The following SH3BGRL2 variants were observed in gnomAD, a reference collection of about 807,000 sequenced individuals.
The protein encoded by SH3BGRL2 is SH3 domain-binding glutamic acid-rich-like protein 2.
Under a neutral mutation model 14.8 loss-of-function variants are expected in SH3BGRL2, and 21 were observed. The ratio of observed to expected loss-of-function variants is 1.42; its 90% CI spans 1.01 to 2.05. SH3BGRL2 has a LOEUF of 2.05. Ranked by LOEUF, SH3BGRL2 falls within the 30% of genes most tolerant of loss-of-function variation. The probability of loss-of-function intolerance (pLI) is 0.00; values close to 1 mark genes in which losing one functional copy is unlikely to be tolerated. For synonymous variants in SH3BGRL2, 50 were observed against 47.8 expected (o/e 1.05, Z -0.19); for missense variants, 147 against 130.8 (o/e 1.12, Z -0.61).
chr6:79,621,171 G>A, the SH3BGRL2 span, among the ~76,000 whole-genome samples: 11 of 152,238 alleles, frequency 7.2e-5, no homozygotes, highest in South Asian at 1.7e-3. Flanking sequence ...CCAAGCCTAG[G>A]AGTTAGGTTT....
At position 79,701,776 on chromosome 6, in the gene SH3BGRL2, G is replaced by C. The variant is rs1461893927; in HGVS notation, c.*2267G>C. 2 of 151,688 alleles carry C rather than the reference G, an allele frequency of 1.3e-5. No homozygotes were observed. The highest frequency in any genetic ancestry group is 1.3e-4 in the Admixed American group (2 of 15,234). 9.4% of individuals were successfully genotyped at this position (151,688 alleles called of 1,614,324 possible). A position where few individuals can be genotyped will look rare whatever the true frequency, so the allele number is the denominator to read the frequency against. On this transcript the variant is annotated 3_prime_UTR_variant, in exon 4 of 4. Coordinates refer to ENST00000369838, the MANE Select transcript of SH3BGRL2 (RefSeq NM_031469.4). ...ACCACACTTAGCTCAGAGAATATGGGGTCCTTACTTGTATTCTTTTATCAG... is the reference window on the plus strand; with the variant it reads ...ACCACACTTAGCTCAGAGAATATGGCGTCCTTACTTGTATTCTTTTATCAG...
At chr6:79,594,031 A>C in the SH3BGRL2 span, among the ~76,000 whole-genome samples, 1 of 151,792 alleles carries the variant, frequency 6.6e-6, no homozygotes. Context: ...GTCTCAAAAA[A>C]AAAAAAAACC....
At chr6:79,541,376 A>G in the SH3BGRL2 span, among the ~76,000 whole-genome samples, 211 of 152,316 alleles carry the variant, frequency 1.4e-3, 2 homozygotes, top group African/African-American at 4.6e-3. Context: ...ATTGGTTTGT[A>G]TAACAGAAAA....
intron 1 of SH3BGRL2, among the ~76,000 whole-genome samples, chr6:79,662,262 A>C (rs1040641891): frequency 6.6e-6 from 1 of 152,158 alleles, no homozygotes; most frequent in African/African-American, 2.4e-5. Flanking sequence ...ACAATTTGGC[A>C]TGTTTTTATA....
chr6:79,555,696 G>C, the SH3BGRL2 span, among the ~76,000 whole-genome samples: 2 of 152,056 alleles, frequency 1.3e-5, no homozygotes, highest in South Asian at 2.1e-4. Flanking sequence ...TTTTAGTAGA[G>C]ATGGGGTTTC....
upstream of SH3BGRL2, among the ~76,000 whole-genome samples, chr6:79,626,819 T>C (rs2127720229): frequency 1.3e-5 from 2 of 152,312 alleles, no homozygotes; most frequent in Middle Eastern, 6.8e-3. Flanking sequence ...CTCACCTCTC[T>C]AATCAATATC....
chr6:79,538,576 C>G, the SH3BGRL2 span, among the ~76,000 whole-genome samples: 4 of 152,212 alleles, frequency 2.6e-5, no homozygotes, highest in Admixed American at 1.3e-4. Flanking sequence ...ATTCTTTAAT[C>G]TGTCTCTGCT....
chr6:79,602,619 A>G, the SH3BGRL2 span, among the ~76,000 whole-genome samples: 1 of 152,192 alleles, frequency 6.6e-6, no homozygotes, highest in Non-Finnish European at 1.5e-5. Context: ...GCTATAAGTT[A>G]GTTTTACCTA....
rs561466575 is a variant in SH3BGRL2, at chr6:79,653,027, A to T, written c.46-20587A>T. 5.3e-5 allele frequency among the ~76,000 whole-genome samples: 8 copies of T among 152,294 alleles called. No homozygotes were observed. In the South Asian group the frequency reaches 1.7e-3, roughly 32 times the overall value. Reference sequence around the variant, plus strand: ...TATTAACAAAATCAATTAAGAAAAAAACAAGACAACTATTATAACTGAAAC... The same window carrying T: ...TATTAACAAAATCAATTAAGAAAAATACAAGACAACTATTATAACTGAAAC... On this transcript the variant is annotated intron_variant, in intron 1 of 3. Transcript: ENST00000369838.
chr6:79,668,673 C>T (rs1769711189), intron 1 of SH3BGRL2, among the ~76,000 whole-genome samples: 1 of 152,030 alleles, frequency 6.6e-6, no homozygotes, highest in African/African-American at 2.4e-5. Context: ...TACCCTGAAT[C>T]TCAATTGCCA....
the SH3BGRL2 span, among the ~76,000 whole-genome samples, chr6:79,538,018 GTTTTT>G: frequency 8.3e-3 from 367 of 44,054 alleles, 2 homozygotes; most frequent in East Asian, 0.031. Context: ...TTGCACACAA[GTTTTT>G]TTTTTTTTTT....
chr6:79,623,447 C>CAGG, the SH3BGRL2 span, among the ~76,000 whole-genome samples: 1 of 152,320 alleles, frequency 6.6e-6, no homozygotes, highest in Non-Finnish European at 1.5e-5. Flanking sequence ...GTTGAATTTA[C>CAGG]AGGACAGTGT....
At chr6:79,588,782 C>T in the SH3BGRL2 span, among the ~76,000 whole-genome samples, 1 of 152,162 alleles carries the variant, frequency 6.6e-6, no homozygotes. Context: ...TGAACCTGAG[C>T]ACTTCCCAGG....
chr6:79,590,356 A>G, the SH3BGRL2 span, among the ~76,000 whole-genome samples: 1 of 148,742 alleles, frequency 6.7e-6, no homozygotes, highest in Non-Finnish European at 1.5e-5. Flanking sequence ...TTGCAGCACT[A>G]TTCACAATAG....
the SH3BGRL2 span, among the ~76,000 whole-genome samples, chr6:79,562,306 A>G: frequency 1.3e-5 from 2 of 152,220 alleles, no homozygotes; most frequent in African/African-American, 4.8e-5. Flanking sequence ...ATTACAAGAT[A>G]GTTATGAGTA....
intron 1 of SH3BGRL2, among the ~76,000 whole-genome samples, chr6:79,665,451 G>T (rs184307977): frequency 6.6e-6 from 1 of 152,044 alleles, no homozygotes; most frequent in African/African-American, 2.4e-5. Context: ...CTCCCTGGAA[G>T]GTTCTATGAA....
the SH3BGRL2 span, among the ~76,000 whole-genome samples, chr6:79,618,096 T>G: frequency 6.6e-6 from 1 of 152,256 alleles, no homozygotes; most frequent in Non-Finnish European, 1.5e-5. Flanking sequence ...TGCAAGCATA[T>G]CTATGTAAAG....
intron 1 of SH3BGRL2, among the ~76,000 whole-genome samples, chr6:79,633,789 AC>A (rs1469274082): frequency 6.6e-6 from 1 of 152,142 alleles, no homozygotes; most frequent in African/African-American, 2.4e-5. Flanking sequence ...TAATATCCAT[AC>A]TTTTAGTGAT....
At chr6:79,683,098 A>G (rs1056201400) in intron 2 of SH3BGRL2, among the ~76,000 whole-genome samples, 8 of 152,164 alleles carry the variant, frequency 5.3e-5, no homozygotes, top group Admixed American at 3.3e-4. Context: ...ACCTAATGTA[A>G]ATGATGAGTT....
Sources: gnomAD v4.1 joint callset for allele counts (sites outside exome capture counted in the v4.1 genomes callset) on GRCh38, gnomAD v4.1.1 for gene constraint, MANE v1.5 for transcripts, NCBI Gene and HGNC (gene_info 2026-07-23, HGNC 2026-07-21) for gene names.